POF1B: variants seen among roughly 807,000 people sequenced by gnomAD.
POF1B encodes POF1B actin binding protein.
A neutral mutation model predicts 55.3 loss-of-function variants in POF1B; 53 were observed. The observed-to-expected ratio is 0.96, with a 90% CI of 0.77 to 1.20. The LOEUF is 1.20. POF1B is among the 50% of genes most tolerant of loss of function. The pLI, the probability that POF1B is intolerant of heterozygous loss-of-function variation, is 0.00. For synonymous variants in POF1B, 188 were observed against 148.3 expected (o/e 1.27, Z -1.95); for missense variants, 478 against 420.5 (o/e 1.14, Z -1.20).
At chrX:85,282,524 G>T (rs1931927641) in intron 15 of POF1B, among the ~76,000 whole-genome samples, 1 of 111,122 alleles carries the variant, frequency 9.0e-6, no homozygotes, top group African/African-American at 3.3e-5. Flanking sequence ...TAAAATAGAG[G>T]GACTTCTGTT....
intron 15 of POF1B, among the ~76,000 whole-genome samples, chrX:85,284,097 A>C (rs1931977095): frequency 9.0e-6 from 1 of 111,117 alleles, no homozygotes; most frequent in African/African-American, 3.3e-5. Flanking sequence ...AATCCAACTT[A>C]CAAGAGATGT....
intron 9 of POF1B, among the ~76,000 whole-genome samples, chrX:85,309,792 G>A (rs755681821): frequency 1.3e-4 from 14 of 111,847 alleles, no homozygotes; most frequent in African/African-American, 4.2e-4. Context: ...CCCTTGTCAG[G>A]CTCTAGGGAG....
chrX:85,283,645 G>A (rs1225969454), intron 15 of POF1B, among the ~76,000 whole-genome samples: 1 of 110,010 alleles, frequency 9.1e-6, no homozygotes, highest in Non-Finnish European at 1.9e-5. Flanking sequence ...TTGACATAAT[G>A]ACCAAATTAT....
At chrX:85,357,632 G>T (rs1933528000) in intron 4 of POF1B, among the ~76,000 whole-genome samples, 1 of 110,623 alleles carries the variant, frequency 9.0e-6, no homozygotes, top group Non-Finnish European at 1.9e-5. Context: ...CCCCATGTTT[G>T]CATTTGCCTC....
chrX:85,372,507 T>G (rs769173818), intron 2 of POF1B, among the ~76,000 whole-genome samples: 1 of 107,711 alleles, frequency 9.3e-6, no homozygotes, highest in Admixed American at 1.0e-4. Flanking sequence ...CATAAAAGTA[T>G]ATCTTATTTC....
chrX:85,327,839 A>T (rs1932914390), intron 7 of POF1B, among the ~76,000 whole-genome samples: 1 of 112,362 alleles, frequency 8.9e-6, no homozygotes, highest in Non-Finnish European at 1.9e-5. Flanking sequence ...TCTTTCTATA[A>T]ATAAGAAAAC....
chrX:85,355,155 A>G (rs1298716969), intron 4 of POF1B, among the ~76,000 whole-genome samples: 1 of 111,437 alleles, frequency 9.0e-6, no homozygotes, highest in Non-Finnish European at 1.9e-5. Flanking sequence ...ATAATACCAC[A>G]CATCTACAAT....
intron 3 of POF1B, among the ~76,000 whole-genome samples, chrX:85,360,527 G>GTATGTATATATATATA (rs1392775604): frequency 5.1e-5 from 3 of 58,518 alleles, no homozygotes; most frequent in African/African-American, 3.1e-4. Flanking sequence ...TCCATGGTAT[G>GTATGTATATATATATA]TATATATATA....
chrX:85,320,842 A>G (rs1381609317), intron 7 of POF1B, among the ~76,000 whole-genome samples: 1 of 111,514 alleles, frequency 9.0e-6, no homozygotes, highest in Non-Finnish European at 1.9e-5. Flanking sequence ...GAAAATCTAG[A>G]AGAAATGGAT....
At chrX:85,340,995 A>G (rs145003701) in intron 6 of POF1B, among the ~76,000 whole-genome samples, 3,665 of 111,312 alleles carry the variant, frequency 0.033, 70 homozygotes, top group Middle Eastern at 0.06. Context: ...TTTTATAGCA[A>G]TAATAATATA....
intron 6 of POF1B, among the ~76,000 whole-genome samples, chrX:85,331,630 T>TAA (rs1932982008): frequency 9.1e-6 from 1 of 110,291 alleles, no homozygotes; most frequent in Non-Finnish European, 1.9e-5. Context: ...AAATATAGAG[T>TAA]AAATTTCTGT....
rs1933175521 is a variant in POF1B at position 85,341,664 on chromosome X, A to G, written c.723+4196T>C. 4.5e-5 allele frequency among the ~76,000 whole-genome samples: 5 copies of G among 110,671 alleles called. No individual in the cohort carries two copies. In the South Asian group the frequency reaches 1.9e-3, roughly 42 times the overall value. On this transcript the variant is annotated intron_variant, in intron 6 of 16. Coordinates refer to ENST00000262753, the MANE Select transcript of POF1B (RefSeq NM_024921.4). ...ATTGAAGAGGGCAATAAACATGGAG[A>G]GGAAGTTGAGCCACCTGTTAATGAG...
intron 2 of POF1B, among the ~76,000 whole-genome samples, chrX:85,377,741 C>G (rs1180442496): frequency 1.8e-5 from 2 of 111,777 alleles, no homozygotes; most frequent in Non-Finnish European, 3.8e-5. Flanking sequence ...GCTCAACCAA[C>G]TTGATCCTGA....
chrX:85,351,403 T>C lies in POF1B; in HGVS notation c.487A>G (p.Asn163Asp). The C allele has an allele frequency of 8.3e-7, 1 of 1,200,381 alleles. No individual in the cohort carries two copies. Among genetic ancestry groups the C allele is most frequent in the Non-Finnish European group, 1.1e-6 (1 of 887,918 alleles). Reference sequence around the variant, plus strand: ...CTTATTGTTTTTTCATAAATAACATTGTTTCCTGGGAAGAAATGGCTTCCT... The same window carrying C: ...CTTATTGTTTTTTCATAAATAACATCGTTTCCTGGGAAGAAATGGCTTCCT... ...LRGSHFFPGN[N>D]VIYEKTIRKV... The change falls in exon 5 of 17, where the codon AAT becomes GAT. Residue 163 changes from asparagine (N) to aspartate (D), a missense_variant. Transcript: ENST00000262753.
intron 7 of POF1B, among the ~76,000 whole-genome samples, chrX:85,316,412 T>C (rs555507355): frequency 9.0e-6 from 1 of 111,218 alleles, no homozygotes; most frequent in Non-Finnish European, 1.9e-5. Flanking sequence ...AGGAAAATGC[T>C]GAAGGAGAAT....
intron 11 of POF1B, 45 bp from the exon 12 acceptor site, chrX:85,306,378 T>G (rs1932576278): frequency 1.8e-6 from 2 of 1,134,570 alleles, no homozygotes; most frequent in South Asian, 3.9e-5. Flanking sequence ...ATTTTGTTTT[T>G]GGTGAGGGAG....
intron 2 of POF1B, among the ~76,000 whole-genome samples, chrX:85,372,765 T>A (rs1296649332): frequency 9.8e-6 from 1 of 102,359 alleles, no homozygotes; most frequent in Non-Finnish European, 2.0e-5. Context: ...TATATTATAT[T>A]ATATATACTA....
At chrX:85,283,378 G>A (rs1374894991) in intron 15 of POF1B, among the ~76,000 whole-genome samples, 6 of 110,074 alleles carry the variant, frequency 5.5e-5, no homozygotes, top group East Asian at 5.8e-4. Flanking sequence ...CATGAACACA[G>A]GAGAGAAATA....
chrX:85,368,288 T>G (rs962309325), intron 2 of POF1B, among the ~76,000 whole-genome samples: 6 of 111,124 alleles, frequency 5.4e-5, no homozygotes, highest in Non-Finnish European at 5.7e-5. Flanking sequence ...GATGTAAAAT[T>G]TAATAATTAT....
Sources: allele counts gnomAD v4.1 joint callset (sites outside exome capture counted in the v4.1 genomes callset), GRCh38; gene constraint gnomAD v4.1.1; transcripts MANE v1.5; gene names NCBI Gene and HGNC (gene_info 2026-07-23, HGNC 2026-07-21).